AGO3: variants seen among roughly 807,000 people sequenced by gnomAD.
The protein encoded by AGO3 is protein argonaute-3.
AGO3 carries 16 observed loss-of-function variants against 105.5 expected under a neutral mutation model. That is an observed-to-expected ratio of 0.15 (90% CI 0.10 to 0.23). The LOEUF is 0.23. Ranked by LOEUF, AGO3 falls within the 10% of genes least tolerant of loss-of-function variation. AGO3 has a pLI of 1.00. For missense variants in AGO3, 534 were observed against 1,088.0 expected, an observed-to-expected ratio of 0.49 and a Z score of 7.16; for synonymous variants, 340 against 367.3, an observed-to-expected ratio of 0.93 and a Z score of 0.85.
At chr1:35,941,418 G>A (rs1646253158) in intron 1 of AGO3, among the ~76,000 whole-genome samples, 1 of 151,944 alleles carries the variant, frequency 6.6e-6, no homozygotes. Context: ...AAAAATTTAA[G>A]TCAGATCATA....
intron 5 of AGO3, among the ~76,000 whole-genome samples, chr1:35,980,312 A>G (rs1487778109): frequency 6.6e-6 from 1 of 152,204 alleles, no homozygotes; most frequent in African/African-American, 2.4e-5. Flanking sequence ...CCTGTTGCAC[A>G]TGAGGTGCAG....
intron 6 of AGO3, among the ~76,000 whole-genome samples, chr1:36,004,893 C>T (rs1156270705): frequency 6.6e-6 from 1 of 151,862 alleles, no homozygotes; most frequent in African/African-American, 2.4e-5. Context: ...TATTTTAGTC[C>T]TTTAAAAACG....
chr1:35,993,718 TC>T lies in AGO3; in HGVS notation c.659-10619del, dbSNP rs560852296. Reference sequence around the variant, plus strand: ...ATTCTTTCAGAAAATAGAAAAGGCTTCCCCAACCACCACCCCCTGCTTTTTT... The same window carrying T: ...ATTCTTTCAGAAAATAGAAAAGGCTTCCCAACCACCACCCCCTGCTTTTTT... On this transcript the variant is annotated intron_variant, in intron 5 of 18. Transcript: ENST00000373191. Among the ~76,000 whole-genome samples, 72 of 148,016 alleles carry T rather than the reference TC, an allele frequency of 4.9e-4. No individual in the cohort carries two copies. The South Asian group carries it at 0.011, about 22-fold the overall frequency.
chr1:35,979,000 A>G (rs962559799), intron 5 of AGO3, among the ~76,000 whole-genome samples: 17 of 152,186 alleles, frequency 1.1e-4, no homozygotes, highest in Admixed American at 3.3e-4. Context: ...AGACTTTTCA[A>G]ATTTTCAGAT....
intron 9 of AGO3, among the ~76,000 whole-genome samples, chr1:36,011,901 G>A (rs887250079): frequency 6.6e-5 from 10 of 152,124 alleles, no homozygotes; most frequent in African/African-American, 2.4e-4. Flanking sequence ...GTATCATTAA[G>A]CACTTAGCAC....
chr1:35,995,209 A>ATATATATATATATATAT (rs1553164849), intron 5 of AGO3, among the ~76,000 whole-genome samples: 2 of 114,790 alleles, frequency 1.7e-5, no homozygotes, highest in African/African-American at 3.8e-5. Context: ...TAAAAAAAAA[A>ATATATATATATATATAT]ATATATATAT....
At chr1:35,936,366 G>A (rs751288283) in intron 1 of AGO3, among the ~76,000 whole-genome samples, 1 of 152,122 alleles carries the variant, frequency 6.6e-6, no homozygotes, top group Non-Finnish European at 1.5e-5. Context: ...ATAAAAAAAA[G>A]TGTGCATTAG....
At chr1:35,982,756 T>A in intron 5 of AGO3, 1 of 638,178 alleles carries the variant, frequency 1.6e-6, no homozygotes, top group South Asian at 1.9e-5. Context: ...GAGGAAGGAT[T>A]AAGCTGAAAA....
chr1:35,967,203 G>A (rs1246836985), intron 3 of AGO3, 128 bp downstream of exon 3: 1 of 1,272,854 alleles, frequency 7.9e-7, no homozygotes, highest in Non-Finnish European at 1.0e-6. Context: ...TTAACTTTTT[G>A]TTTTGAAATA....
chr1:36,015,691 C>T lies in AGO3; in HGVS notation c.1406+1643C>T, dbSNP rs535087660. On this transcript the variant is annotated intron_variant, in intron 11 of 18. Transcript: ENST00000373191. Reference sequence around the variant, plus strand: ...AACAAATGCATATTTCACAATATCACAACTACTTTTTGTGGGATAGTAGCA... The same window carrying T: ...AACAAATGCATATTTCACAATATCATAACTACTTTTTGTGGGATAGTAGCA... Among the ~76,000 whole-genome samples, 4 of 152,328 alleles carry T rather than the reference C, an allele frequency of 2.6e-5. No individual in the cohort carries two copies. The South Asian group carries it at 8.3e-4, about 32-fold the overall frequency.
chr1:35,950,713 T>G (rs1005687861), intron 2 of AGO3, among the ~76,000 whole-genome samples: 3 of 152,166 alleles, frequency 2.0e-5, no homozygotes, highest in Non-Finnish European at 2.9e-5. Flanking sequence ...AAACAAATAT[T>G]TTTTAGAAAC....
intron 12 of AGO3, among the ~76,000 whole-genome samples, chr1:36,031,112 A>G (rs1456951342): frequency 1.1e-4 from 16 of 152,190 alleles, no homozygotes; most frequent in Admixed American, 1.0e-3. Context: ...ATATGAAAAT[A>G]CAAGATTTTA....
chr1:35,973,895 G>A (rs1356096705), intron 5 of AGO3, among the ~76,000 whole-genome samples: 1 of 152,168 alleles, frequency 6.6e-6, no homozygotes, highest in Non-Finnish European at 1.5e-5. Flanking sequence ...TGGTCTTAAT[G>A]TGATGCTAAT....
intron 2 of AGO3, among the ~76,000 whole-genome samples, chr1:35,954,409 G>A (rs1034170268): frequency 6.6e-6 from 1 of 152,152 alleles, no homozygotes; most frequent in African/African-American, 2.4e-5. Flanking sequence ...TATTTGTGTA[G>A]ATATAAATTA....
rs1483779846 is a variant in AGO3, at chr1:36,063,109, A to G, written c.*7364A>G. 2 of 152,210 alleles carry G rather than the reference A, an allele frequency of 1.3e-5. No homozygotes were observed. The highest frequency in any genetic ancestry group is 4.8e-5 in the African/African-American group (2 of 41,446). 9.4% of individuals were successfully genotyped at this position (152,210 alleles called of 1,614,324 possible). A position where few individuals can be genotyped will look rare whatever the true frequency, so the allele number is the denominator to read the frequency against. On this transcript the variant is annotated 3_prime_UTR_variant, in exon 19 of 19. Transcript: ENST00000373191. ...ATATACCAACCAAACTACGAATTCC[A>G]TAAACTCTAGAGTTTGGATTTTTAC...
chr1:36,036,128 G>T (rs977774050), intron 13 of AGO3, 49 bp from the exon 14 acceptor site: 2 of 1,552,588 alleles, frequency 1.3e-6, no homozygotes, highest in African/African-American at 1.4e-5. Flanking sequence ...ACAGATAAAT[G>T]GATACTGAAA....
At position 36,055,228 on chromosome 1, in the gene AGO3, C is replaced by A; in HGVS notation, c.2474+83C>A. 1 of 1,409,544 alleles carries A rather than the reference C, an allele frequency of 7.1e-7. No individual in the cohort carries two copies. Among genetic ancestry groups the A allele is most frequent in the East Asian group, 2.5e-5 (1 of 40,144 alleles). The allele number at this position is 1,409,544 out of a possible 1,614,324, so 87.3% of individuals were successfully genotyped here. On this transcript the variant is annotated intron_variant, in intron 18 of 18. Transcript: ENST00000373191. The surrounding 1 kb of genome is among the most constrained non-coding windows in gnomAD (Gnocchi z 4.4). Reference sequence around the variant, plus strand: ...ATTTTCAAGTTCCACAAGCTATTAGCGGAGTCAGTGATCCATGTGAAAAAT... The same window carrying A: ...ATTTTCAAGTTCCACAAGCTATTAGAGGAGTCAGTGATCCATGTGAAAAAT...
chr1:35,985,505 A>G (rs539672948), intron 5 of AGO3, among the ~76,000 whole-genome samples: 3 of 152,360 alleles, frequency 2.0e-5, no homozygotes, highest in East Asian at 1.9e-4. Context: ...AACGAGCCAC[A>G]TATGTGTTTA....
chr1:36,009,680 C>G, intron 9 of AGO3, 86 bp downstream of exon 9: 2 of 1,309,152 alleles, frequency 1.5e-6, no homozygotes, highest in East Asian at 4.8e-5. Context: ...TCAACCCATA[C>G]CTTATGACCA....
Sources: gnomAD v4.1 joint callset for allele counts (sites outside exome capture counted in the v4.1 genomes callset) on GRCh38, gnomAD v4.1.1 for gene constraint, Gnocchi (gnomAD v3.1) non-coding constraint, MANE v1.5 for transcripts, NCBI Gene and HGNC (gene_info 2026-07-23, HGNC 2026-07-21) for gene names.